The following EDA variants were observed in gnomAD, a reference collection of about 807,000 sequenced individuals.
EDA encodes ectodysplasin-A.
A neutral mutation model predicts 23.6 loss-of-function variants in EDA; 2 were observed. That is an observed-to-expected ratio of 0.08 (90% CI 0.03 to 0.27). The LOEUF (loss-of-function observed/expected upper bound fraction) is 0.27, where lower values mean the gene tolerates loss of function less well. Among genes scored for constraint, EDA ranks in the 10% least tolerant of loss-of-function variants. The pLI is 1.00. For missense variants in EDA, 229 were observed against 324.2 expected, an observed-to-expected ratio of 0.71 and a Z score of 2.26; for synonymous variants, 131 against 132.0, an observed-to-expected ratio of 0.99 and a Z score of 0.05.
chrX:69,826,682 G>A (rs1424821074), intron 1 of EDA, among the ~76,000 whole-genome samples: 1 of 109,338 alleles, frequency 9.1e-6, no homozygotes, highest in Non-Finnish European at 1.9e-5. Flanking sequence ...TTTAATTGGA[G>A]CATTTAGTCC....
At chrX:69,652,546 T>C (rs1016881649) in intron 1 of EDA, among the ~76,000 whole-genome samples, 2 of 111,949 alleles carry the variant, frequency 1.8e-5, no homozygotes, top group African/African-American at 6.5e-5. Context: ...TCTTTCATCT[T>C]ACACTTTTAG....
intron 1 of EDA, among the ~76,000 whole-genome samples, chrX:69,904,055 G>A (rs984966979): frequency 9.1e-5 from 10 of 110,399 alleles, no homozygotes. Context: ...CAAGTGATCC[G>A]CCCCTCTAGG....
chrX:69,865,569 G>A (rs972681667), intron 1 of EDA, among the ~76,000 whole-genome samples: 1 of 111,522 alleles, frequency 9.0e-6, no homozygotes, highest in South Asian at 3.8e-4. Context: ...GGGTGGATTT[G>A]CCTTCCCCAG....
At chrX:69,743,238 G>A (rs748940598) in intron 1 of EDA, among the ~76,000 whole-genome samples, 6 of 111,580 alleles carry the variant, frequency 5.4e-5, no homozygotes, top group Admixed American at 1.9e-4. Flanking sequence ...CACTGCCGCC[G>A]TTGCTACTAC....
At chrX:69,716,224 G>A (rs900400302) in intron 1 of EDA, among the ~76,000 whole-genome samples, 3 of 111,508 alleles carry the variant, frequency 2.7e-5, no homozygotes, top group African/African-American at 9.8e-5. Context: ...GTCTTTACTC[G>A]TTCTTGAGTT....
intron 2 of EDA, among the ~76,000 whole-genome samples, chrX:69,970,489 G>T (rs1294128360): frequency 9.0e-6 from 1 of 110,778 alleles, no homozygotes; most frequent in African/African-American, 3.3e-5. Flanking sequence ...TTTTTTTCAA[G>T]CACCTTAATC....
chrX:70,001,702 G>C (rs1380813297), intron 2 of EDA, among the ~76,000 whole-genome samples: 1 of 112,612 alleles, frequency 8.9e-6, no homozygotes, highest in African/African-American at 3.2e-5. Context: ...CAATCCATTT[G>C]ATTCATGTGC....
chrX:69,877,407 C>G (rs1306039559), intron 1 of EDA, among the ~76,000 whole-genome samples: 1 of 112,127 alleles, frequency 8.9e-6, no homozygotes. Context: ...CTCAGACATC[C>G]TAATAAGCAT....
intron 1 of EDA, among the ~76,000 whole-genome samples, chrX:69,634,861 A>G (rs1157709062): frequency 8.9e-6 from 1 of 112,171 alleles, no homozygotes; most frequent in African/African-American, 3.2e-5. Flanking sequence ...TTGTCTAGTG[A>G]CATCTCATAG....
intron 3 of EDA, among the ~76,000 whole-genome samples, chrX:70,024,274 A>G (rs2020080145): frequency 8.9e-6 from 1 of 112,316 alleles, no homozygotes; most frequent in African/African-American, 3.2e-5. Context: ...TTTGAACACT[A>G]GGGTACTCTG....
intron 1 of EDA, among the ~76,000 whole-genome samples, chrX:69,902,338 G>A (rs1011774197): frequency 9.0e-6 from 1 of 111,613 alleles, no homozygotes; most frequent in African/African-American, 3.3e-5. Context: ...AAAGCTCTCT[G>A]GAGCTTTTAT....
At chrX:69,791,651 T>A (rs1413031734) in intron 1 of EDA, among the ~76,000 whole-genome samples, 1 of 112,002 alleles carries the variant, frequency 8.9e-6, no homozygotes, top group Non-Finnish European at 1.9e-5. Flanking sequence ...TTGTATTTTT[T>A]TTTTCTTTTG....
intron 1 of EDA, among the ~76,000 whole-genome samples, chrX:69,662,135 A>T (rs1459904580): frequency 9.0e-6 from 1 of 111,300 alleles, no homozygotes; most frequent in Non-Finnish European, 1.9e-5. Flanking sequence ...TTTCTCCCTC[A>T]AGCCCCCACC....
intron 1 of EDA, among the ~76,000 whole-genome samples, chrX:69,698,874 C>CGGGG (rs2011449651): frequency 9.0e-6 from 1 of 111,125 alleles, no homozygotes; most frequent in South Asian, 3.8e-4. Context: ...GAGTCCAAAA[C>CGGGG]GGGGAATTCT....
chrX:69,692,587 G>T (rs1934743208), intron 1 of EDA, among the ~76,000 whole-genome samples: 1 of 111,808 alleles, frequency 8.9e-6, no homozygotes, highest in Admixed American at 9.5e-5. Context: ...CATGGATGTG[G>T]GTGGTGATAA....
At chrX:69,657,157 AT>A (rs1933346652) in intron 1 of EDA, among the ~76,000 whole-genome samples, 1 of 111,649 alleles carries the variant, frequency 9.0e-6, no homozygotes, top group African/African-American at 3.3e-5. Flanking sequence ...TCTCACCAAC[AT>A]GTTTGTTTGC....
At chrX:69,686,641 C>T (rs1358789662) in intron 1 of EDA, among the ~76,000 whole-genome samples, 1 of 111,369 alleles carries the variant, frequency 9.0e-6, no homozygotes, top group African/African-American at 3.3e-5. Context: ...CTTTCTGTCT[C>T]TATAGATTTG....
chrX:69,748,711 C>A (rs1240548768), intron 1 of EDA, among the ~76,000 whole-genome samples: 1 of 111,483 alleles, frequency 9.0e-6, no homozygotes, highest in Admixed American at 9.5e-5. Context: ...TTACCCGCAG[C>A]ATGGTCTTGG....
intron 2 of EDA, among the ~76,000 whole-genome samples, chrX:70,000,060 C>T (rs929564007): frequency 9.2e-4 from 103 of 111,772 alleles, no homozygotes; most frequent in African/African-American, 3.1e-3. Context: ...TCTTAGTAAA[C>T]GAGGAATAAA....
Sources: allele counts gnomAD v4.1 joint callset (sites outside exome capture counted in the v4.1 genomes callset), GRCh38; gene constraint gnomAD v4.1.1; transcripts MANE v1.5; gene names NCBI Gene and HGNC (gene_info 2026-07-23, HGNC 2026-07-21).